SPATA9: variants seen among roughly 807,000 people sequenced by gnomAD.
The protein encoded by SPATA9 is spermatogenesis associated 9, also known as spermatogenesis-associated protein 9.
In SPATA9, 27 loss-of-function variants were observed where a neutral mutation model predicts 25.5. The ratio of observed to expected loss-of-function variants is 1.06; its 90% CI spans 0.78 to 1.46. The LOEUF (loss-of-function observed/expected upper bound fraction) is 1.46. SPATA9 is among the 40% of genes most tolerant of loss of function. SPATA9 has a pLI of 0.00. For synonymous variants in SPATA9, 102 were observed against 105.7 expected, an observed-to-expected ratio of 0.97 and a Z score of 0.21; for missense variants, 282 against 297.5, an observed-to-expected ratio of 0.95 and a Z score of 0.38.
upstream of SPATA9, among the ~76,000 whole-genome samples, chr5:95,700,446 C>T (rs760184357): frequency 7.2e-5 from 11 of 152,034 alleles, no homozygotes; most frequent in African/African-American, 2.4e-4. Flanking sequence ...ATTACAGGCA[C>T]GCGCCACCAT....
At position 95,696,462 on chromosome 5, in the gene SPATA9, T is replaced by G. The variant is rs138060825; in HGVS notation, n.124+2126A>C. On this transcript the variant is annotated intron_variant and non_coding_transcript_variant, in intron 1 of 2. Transcript: ENST00000379990. ...AATTTAAGCTGTTGAAGTACATTGTTTTGGGTGAAATACATAAAGAAAATC... is the reference window on the plus strand; with the variant it reads ...AATTTAAGCTGTTGAAGTACATTGTGTTGGGTGAAATACATAAAGAAAATC... Among the ~76,000 whole-genome samples the G allele has an allele frequency of 1.2e-3, 183 of 152,328 alleles. 1 individual carries two copies. Among genetic ancestry groups the G allele is most frequent in the Non-Finnish European group, 2.2e-3 (150 of 68,028 alleles).
At chr5:95,683,028 G>A, upstream of SPATA9, 2 of 1,260,842 alleles carry the variant, frequency 1.6e-6, no homozygotes, top group South Asian at 3.8e-5. Context: ...AGGCTTCCGA[G>A]AACCTGCTAC....
the SPATA9 span, chr5:95,731,192 G>A: frequency 3.0e-6 from 3 of 1,004,556 alleles, no homozygotes; most frequent in African/African-American, 1.7e-5. Flanking sequence ...CGGAGCTCCC[G>A]GGGCCTCCGC....
chr5:95,668,357 G>A (rs1752031104), intron 3 of SPATA9, among the ~76,000 whole-genome samples: 1 of 152,088 alleles, frequency 6.6e-6, no homozygotes, highest in Non-Finnish European at 1.5e-5. Context: ...CCTGTAACAA[G>A]AAAATATATT....
At chr5:95,705,420 A>G in the SPATA9 span, among the ~76,000 whole-genome samples, 3 of 152,354 alleles carry the variant, frequency 2.0e-5, no homozygotes, top group East Asian at 5.8e-4. Context: ...AAATTCAATA[A>G]TTCCATGTTA....
At chr5:95,718,072 A>G in the SPATA9 span, among the ~76,000 whole-genome samples, 19 of 152,338 alleles carry the variant, frequency 1.2e-4, no homozygotes, top group East Asian at 3.7e-3. Context: ...AGTTAGCTTT[A>G]AACACTAGAA....
chr5:95,730,403 C>T, the SPATA9 span, among the ~76,000 whole-genome samples: 2 of 152,184 alleles, frequency 1.3e-5, no homozygotes, highest in Non-Finnish European at 2.9e-5. Context: ...TAATCCCTGG[C>T]CCATTTTGGT....
At chr5:95,724,040 C>T in the SPATA9 span, among the ~76,000 whole-genome samples, 28 of 152,240 alleles carry the variant, frequency 1.8e-4, 1 homozygote, top group Admixed American at 7.8e-4. Flanking sequence ...CATTTGATAA[C>T]GATACATACA....
At chr5:95,712,310 C>A in the SPATA9 span, among the ~76,000 whole-genome samples, 9 of 152,174 alleles carry the variant, frequency 5.9e-5, no homozygotes, top group Non-Finnish European at 1.2e-4. Flanking sequence ...ATACTCCTCT[C>A]ATTAAGAAAT....
chr5:95,675,674 T>C, intron 2 of SPATA9, 35 bp from the exon 3 acceptor site: 4 of 1,567,768 alleles, frequency 2.6e-6, no homozygotes, highest in Non-Finnish European at 3.5e-6. Context: ...AACTGATGTG[T>C]AATCTCCAGT....
chr5:95,725,679 A>G, the SPATA9 span, among the ~76,000 whole-genome samples: 1 of 152,226 alleles, frequency 6.6e-6, no homozygotes, highest in Non-Finnish European at 1.5e-5. Flanking sequence ...AAAATTTACT[A>G]CTTGTATAAC....
chr5:95,664,503 T>A (rs1444342252), intron 3 of SPATA9, among the ~76,000 whole-genome samples: 1 of 152,208 alleles, frequency 6.6e-6, no homozygotes, highest in Non-Finnish European at 1.5e-5. Context: ...AAGGCGAGCA[T>A]TAACCTTAGA....
At chr5:95,685,093 C>A (rs1254630209), upstream of SPATA9, among the ~76,000 whole-genome samples, 1 of 152,206 alleles carries the variant, frequency 6.6e-6, no homozygotes, top group Non-Finnish European at 1.5e-5. Flanking sequence ...ACTTACCAGG[C>A]TTTGCCGTGG....
the SPATA9 span, among the ~76,000 whole-genome samples, chr5:95,714,085 T>C: frequency 6.6e-6 from 1 of 152,198 alleles, no homozygotes; most frequent in African/African-American, 2.4e-5. Context: ...TCTTTTATAT[T>C]TGCCTTGGGT....
At chr5:95,716,648 C>T in the SPATA9 span, among the ~76,000 whole-genome samples, 42 of 152,242 alleles carry the variant, frequency 2.8e-4, no homozygotes, top group African/African-American at 1.0e-3. Flanking sequence ...CTTTGGGGAA[C>T]TGTTGGGAAG....
chr5:95,675,485 A>G lies in SPATA9; in HGVS notation c.305T>C (p.Leu102Ser), dbSNP rs55796768. The change falls in exon 3 of 5, where the codon TTA becomes TCA. Residue 102 changes from leucine (L) to serine (S), a missense_variant. Physicochemically the swap from Leu to Ser is moderately radical, Grantham distance 145. Coordinates refer to ENST00000274432, the MANE Select transcript of SPATA9 (RefSeq NM_031952.4). Reference sequence around the variant, plus strand: ...ACGACCAGATATGTCCCTTAGCTCTAAAAGTCTGCATGCAAGCTGAGGATG... The same window carrying G: ...ACGACCAGATATGTCCCTTAGCTCTGAAAGTCTGCATGCAAGCTGAGGATG... ...LLHPQLACRL[L>S]ELRDISGRLL... 0.017 allele frequency: 27,155 copies of G among 1,614,130 alleles called. 356 individuals are homozygous for G. The highest frequency in any genetic ancestry group is 0.041 in the South Asian group (3,696 of 91,078).
the SPATA9 span, among the ~76,000 whole-genome samples, chr5:95,714,676 T>C: frequency 6.6e-6 from 1 of 151,630 alleles, no homozygotes; most frequent in South Asian, 2.1e-4. Context: ...TTGAGGAAGT[T>C]TGTCTTAATT....
rs748084430 is a variant in SPATA9, at chr5:95,653,092, G to A, written c.*565C>T. ...TCACCAAGACTTTTCTTTCCTTCAGGCTTTTGTATTTGCTCTTCTTTCAGT... is the reference window on the plus strand; with the variant it reads ...TCACCAAGACTTTTCTTTCCTTCAGACTTTTGTATTTGCTCTTCTTTCAGT... On this transcript the variant is annotated 3_prime_UTR_variant and NMD_transcript_variant, in exon 9 of 9. Transcript: ENST00000316087. The A allele has an allele frequency of 7.1e-6, 11 of 1,550,446 alleles. No individual in the cohort carries two copies. The East Asian group carries it at 2.0e-4, about 28-fold the overall frequency.
chr5:95,701,076 T>C (rs1284873065), upstream of SPATA9, among the ~76,000 whole-genome samples: 1 of 152,242 alleles, frequency 6.6e-6, no homozygotes, highest in Non-Finnish European at 1.5e-5. Context: ...AACACATATG[T>C]ATTTTACAGT....
Sources: gnomAD v4.1 joint callset for allele counts (sites outside exome capture counted in the v4.1 genomes callset) on GRCh38, gnomAD v4.1.1 for gene constraint, MANE v1.5 for transcripts, NCBI Gene and HGNC (gene_info 2026-07-23, HGNC 2026-07-21) for gene names.